KCNN2: variants seen among roughly 807,000 people sequenced by gnomAD.
KCNN2 encodes potassium calcium-activated channel subfamily N member 2.
A neutral mutation model predicts 55.5 loss-of-function variants in KCNN2; 24 were observed. That is an observed-to-expected ratio of 0.43 (90% CI 0.31 to 0.61). The LOEUF is 0.61. KCNN2 is among the 20% of genes least tolerant of loss of function. The pLI, the probability that KCNN2 is intolerant of heterozygous loss-of-function variation, is 0.08. For synonymous variants in KCNN2, 431 were observed against 336.1 expected, an observed-to-expected ratio of 1.28 and a Z score of -3.09; for missense variants, 754 against 853.6, an observed-to-expected ratio of 0.88 and a Z score of 1.45.
chr5:114,312,189 CTCT>C (rs1328279905), intron 2 of KCNN2, among the ~76,000 whole-genome samples: 2 of 151,782 alleles, frequency 1.3e-5, no homozygotes, highest in Non-Finnish European at 1.5e-5. Context: ...TGCCCCAGCT[CTCT>C]TCTTGCTTCT....
At chr5:114,462,309 G>T (rs969858442) in intron 3 of KCNN2, among the ~76,000 whole-genome samples, 3 of 152,174 alleles carry the variant, frequency 2.0e-5, no homozygotes, top group African/African-American at 7.2e-5. Context: ...ACACCTCAAA[G>T]AATGATTAGG....
intron 2 of KCNN2, among the ~76,000 whole-genome samples, chr5:114,277,806 T>C (rs1344308395): frequency 2.6e-5 from 4 of 152,202 alleles, no homozygotes; most frequent in Non-Finnish European, 4.4e-5. Flanking sequence ...TTGGAGAAGT[T>C]TGTTATTACC....
intron 2 of KCNN2, among the ~76,000 whole-genome samples, chr5:114,374,362 A>G (rs375535891): frequency 1.1e-4 from 16 of 152,202 alleles, no homozygotes; most frequent in East Asian, 3.8e-4. Context: ...CATACATGTA[A>G]ATGACTGTAG....
chr5:114,393,271 A>G (rs1274564964), intron 2 of KCNN2, among the ~76,000 whole-genome samples: 1 of 152,224 alleles, frequency 6.6e-6, no homozygotes, highest in Non-Finnish European at 1.5e-5. Flanking sequence ...AGGTTAACCA[A>G]GACATCTTAT....
In KCNN2 at chr5:114,188,885, A is replaced by G. The variant is rs79354447; in HGVS notation, c.-270-32595A>G. 7.9e-3 allele frequency among the ~76,000 whole-genome samples: 1,202 copies of G among 152,280 alleles called. 17 individuals carry two copies. The highest frequency in any genetic ancestry group is 0.027 in the African/African-American group (1,112 of 41,562). On this transcript the variant is annotated intron_variant, in intron 1 of 10. Transcript: ENST00000512097. ...TGTAAAATCTGTTTTTCTCAAATCT[A>G]TGAACTCAGTGCATTTCTGATTCAG...
chr5:114,481,245 C>T (rs547598095), intron 5 of KCNN2, among the ~76,000 whole-genome samples: 1 of 152,238 alleles, frequency 6.6e-6, no homozygotes, highest in South Asian at 2.1e-4. Context: ...AACTGCCATC[C>T]ACAATTGCTA....
At chr5:114,388,833 G>A (rs1758363246) in intron 2 of KCNN2, among the ~76,000 whole-genome samples, 1 of 151,930 alleles carries the variant, frequency 6.6e-6, no homozygotes, top group Admixed American at 6.6e-5. Flanking sequence ...TTAACAATCT[G>A]GATAGGAATA....
At chr5:114,075,623 A>G (rs917880829) in intron 1 of KCNN2, among the ~76,000 whole-genome samples, 4 of 152,302 alleles carry the variant, frequency 2.6e-5, no homozygotes, top group African/African-American at 9.6e-5. Flanking sequence ...CCACCCTTCC[A>G]TTTGTATACT....
At chr5:114,491,403 C>T (rs575881180) in intron 6 of KCNN2, among the ~76,000 whole-genome samples, 3 of 151,248 alleles carry the variant, frequency 2.0e-5, no homozygotes, top group South Asian at 2.1e-4. Flanking sequence ...AAAAATATTA[C>T]GAAGAAAGGT....
chr5:114,184,399 T>G (rs991733014), intron 1 of KCNN2, among the ~76,000 whole-genome samples: 17 of 152,078 alleles, frequency 1.1e-4, no homozygotes, highest in Non-Finnish European at 2.2e-4. Context: ...CAAAATATCA[T>G]AAAAAGATAT....
At chr5:114,323,420 A>G (rs1580721898) in intron 2 of KCNN2, among the ~76,000 whole-genome samples, 1 of 152,188 alleles carries the variant, frequency 6.6e-6, no homozygotes, top group Admixed American at 6.5e-5. Context: ...TGCACTTATC[A>G]TGAGTTGACA....
intron 4 of KCNN2, among the ~76,000 whole-genome samples, chr5:114,465,728 A>G (rs1304103901): frequency 6.6e-6 from 1 of 152,204 alleles, no homozygotes; most frequent in African/African-American, 2.4e-5. Flanking sequence ...TTATGGTAAA[A>G]GAGTCCCTCT....
intron 2 of KCNN2, among the ~76,000 whole-genome samples, chr5:114,256,196 G>A (rs1054526840): frequency 1.3e-5 from 2 of 152,076 alleles, no homozygotes; most frequent in Non-Finnish European, 2.9e-5. Flanking sequence ...TTTCATGGCT[G>A]AGTAGGATTC....
Position 114,272,401 on chromosome 5 carries a change from GTATGTACATA to G in KCNN2, c.-185+50838_-185+50847del, listed in dbSNP as rs1755365942. Reference sequence around the variant, plus strand: ...TATGTACATATATACACACATATATGTATGTACATATCTACACACATATGTACGTACATAT... The same window carrying G: ...TATGTACATATATACACACATATATGTCTACACACATATGTACGTACATAT... On this transcript the variant is annotated intron_variant, in intron 2 of 10. Coordinates refer to the KCNN2 transcript ENST00000512097. Among the ~76,000 whole-genome samples, 2 of 47,268 alleles carry G rather than the reference GTATGTACATA, an allele frequency of 4.2e-5. 1 individual carries two copies. The highest frequency in any genetic ancestry group is 9.3e-5 in the Non-Finnish European group (2 of 21,460). 31.0% of individuals were successfully genotyped at this position (47,268 alleles called of 152,430 possible).
intron 1 of KCNN2, among the ~76,000 whole-genome samples, chr5:114,130,083 T>C (rs73782169): frequency 0.011 from 1,678 of 152,350 alleles, 40 homozygotes; most frequent in African/African-American, 0.038. Flanking sequence ...TCCTCCCTAG[T>C]ATACCAGCTC....
chr5:114,434,920 G>C (rs906150830), intron 3 of KCNN2, among the ~76,000 whole-genome samples: 1 of 152,164 alleles, frequency 6.6e-6, no homozygotes, highest in Admixed American at 6.5e-5. Flanking sequence ...TTACAGTCTG[G>C]TAAAATAATT....
At chr5:114,300,884 CTG>C (rs1319397482) in intron 2 of KCNN2, among the ~76,000 whole-genome samples, 1 of 152,174 alleles carries the variant, frequency 6.6e-6, no homozygotes, top group Non-Finnish European at 1.5e-5. Context: ...TCCCACATGA[CTG>C]TGTTGGACTG....
At chr5:114,170,975 A>G (rs1236648152) in intron 1 of KCNN2, among the ~76,000 whole-genome samples, 1 of 151,986 alleles carries the variant, frequency 6.6e-6, no homozygotes, top group Non-Finnish European at 1.5e-5. Flanking sequence ...AGTGTATTTC[A>G]CTTTTGGCTT....
chr5:114,250,337 A>G (rs191519696), intron 2 of KCNN2, among the ~76,000 whole-genome samples: 1 of 152,170 alleles, frequency 6.6e-6, no homozygotes, highest in Admixed American at 6.5e-5. Flanking sequence ...CTTCTTCATT[A>G]TAATGGGAAT....
Sources: gnomAD v4.1 joint callset for allele counts (sites outside exome capture counted in the v4.1 genomes callset) on GRCh38, gnomAD v4.1.1 for gene constraint, MANE v1.5 for transcripts, NCBI Gene and HGNC (gene_info 2026-07-23, HGNC 2026-07-21) for gene names.